The following PLD1 variants were observed in gnomAD, a reference collection of about 807,000 sequenced individuals.
PLD1 encodes phospholipase D1.
PLD1 carries 112 observed loss-of-function variants against 137.1 expected under a neutral mutation model. The ratio of observed to expected loss-of-function variants is 0.82; its 90% CI spans 0.70 to 0.96. PLD1 has a LOEUF of 0.96. Among genes scored for constraint, PLD1 ranks in the 40% least tolerant of loss-of-function variants. The pLI is 0.00. For synonymous variants in PLD1, 431 were observed against 454.7 expected, an observed-to-expected ratio of 0.95 and a Z score of 0.66; for missense variants, 1,321 against 1,342.0, an observed-to-expected ratio of 0.98 and a Z score of 0.24.
chr3:171,690,946 A>T lies in PLD1; in HGVS notation c.1338+1386T>A, dbSNP rs1489525205. Among the ~76,000 whole-genome samples, 5 of 152,210 alleles carry T rather than the reference A, an allele frequency of 3.3e-5. No homozygotes were observed. In the East Asian group the frequency reaches 9.6e-4, roughly 29 times the overall value. On this transcript the variant is annotated intron_variant, in intron 13 of 26. Coordinates refer to ENST00000351298, the MANE Select transcript of PLD1 (RefSeq NM_002662.5). ...GATGTTGAAGTCTCCAACTATTATC[A>T]TAGACTGTCTTTTTCTCCTTTCAAT... is the stretch of plus-strand genomic sequence containing the variant.
rs1357139393 is a variant in PLD1, at chr3:171,612,440, G to A, written c.2729-8C>T. 9 of 1,613,386 alleles carry A rather than the reference G, an allele frequency of 5.6e-6. No individual in the cohort carries two copies. Among genetic ancestry groups the A allele is most frequent in the Non-Finnish European group, 7.6e-6 (9 of 1,179,544 alleles). ...CATTTATGTTGGCAGAGCCTGTAAG[G>A]AGAAACAGTGAGGCTGAACAACCTT... On this transcript the variant is annotated splice_region_variant and splice_polypyrimidine_tract_variant and intron_variant, in intron 24 of 26. Transcript: ENST00000351298. This position sits in a 1 kb window ranked among gnomAD's most constrained non-coding sequence, Gnocchi z 4.1.
intron 23 of PLD1, among the ~76,000 whole-genome samples, chr3:171,627,280 T>C (rs929832790): frequency 1.3e-5 from 2 of 151,898 alleles, no homozygotes; most frequent in African/African-American, 4.8e-5. Context: ...TACATAATGG[T>C]AAAGGGATCA....
chr3:171,723,869 T>C lies in PLD1; in HGVS notation c.758+827A>G, dbSNP rs141142256. On this transcript the variant is annotated intron_variant, in intron 8 of 26. Transcript: ENST00000351298. Reference sequence around the variant, plus strand: ...TTCTGGTTGTTAATCCCTTATCAGATAGGTAGTTTGTAGGTATTTTCTCCC... The same window carrying C: ...TTCTGGTTGTTAATCCCTTATCAGACAGGTAGTTTGTAGGTATTTTCTCCC... 3.8e-3 allele frequency among the ~76,000 whole-genome samples: 577 copies of C among 152,316 alleles called. 2 individuals are homozygous for C. Among genetic ancestry groups the C allele is most frequent in the African/African-American group, 0.013 (547 of 41,582 alleles).
At chr3:171,638,769 A>C (rs1184357393) in intron 23 of PLD1, among the ~76,000 whole-genome samples, 1 of 152,146 alleles carries the variant, frequency 6.6e-6, no homozygotes. Flanking sequence ...TGCCCAGTTT[A>C]ATATTGTTTC....
At chr3:171,637,286 A>G (rs1023134779) in intron 23 of PLD1, among the ~76,000 whole-genome samples, 1 of 152,130 alleles carries the variant, frequency 6.6e-6, no homozygotes, top group Non-Finnish European at 1.5e-5. Context: ...ACCAGGCTGG[A>G]GTGCAGTGGT....
At chr3:171,770,187 A>AG (rs1722244962) in intron 1 of PLD1, among the ~76,000 whole-genome samples, 1 of 152,124 alleles carries the variant, frequency 6.6e-6, no homozygotes, top group Non-Finnish European at 1.5e-5. Context: ...GTCACACTCC[A>AG]TTTTTACAGC....
chr3:171,725,880 T>C, intron 7 of PLD1, 138 bp downstream of exon 7: 1 of 646,284 alleles, frequency 1.5e-6, no homozygotes, highest in Non-Finnish European at 2.8e-6. Flanking sequence ...AATAATTCCA[T>C]CAGTTGCTCT....
intron 18 of PLD1, among the ~76,000 whole-genome samples, chr3:171,674,834 C>T (rs1013024992): frequency 4.0e-5 from 6 of 151,750 alleles, no homozygotes; most frequent in Admixed American, 3.9e-4. Flanking sequence ...CAAAAATTAG[C>T]CAAGCATGGT....
At chr3:171,685,504 T>C (rs1714456396) in intron 16 of PLD1, among the ~76,000 whole-genome samples, 1 of 152,186 alleles carries the variant, frequency 6.6e-6, no homozygotes, top group Non-Finnish European at 1.5e-5. Context: ...AGGTCATGTA[T>C]CATCTCTAAC....
chr3:171,674,372 T>A, intron 19 of PLD1, 128 bp downstream of exon 19: 2 of 491,672 alleles, frequency 4.1e-6, no homozygotes, highest in South Asian at 3.7e-5. Flanking sequence ...TATTAAAAGA[T>A]CCATTTAGTT....
intron 16 of PLD1, among the ~76,000 whole-genome samples, chr3:171,682,888 G>T (rs7433336): frequency 1.3e-5 from 2 of 151,790 alleles, no homozygotes; most frequent in Middle Eastern, 3.2e-3. Context: ...TTTCTTTTTA[G>T]GTAAACTGTT....
chr3:171,694,120 A>T (rs1197474287), intron 12 of PLD1, among the ~76,000 whole-genome samples: 1 of 152,104 alleles, frequency 6.6e-6, no homozygotes, highest in Non-Finnish European at 1.5e-5. Context: ...TCTATTTTTC[A>T]TGGTGTTAGT....
intron 23 of PLD1, among the ~76,000 whole-genome samples, chr3:171,628,908 C>T (rs1578139773): frequency 6.6e-6 from 1 of 150,724 alleles, no homozygotes; most frequent in East Asian, 1.9e-4. Flanking sequence ...CAATATCATA[C>T]TGAATGGGCA....
chr3:171,647,661 C>G (rs1245702780), intron 21 of PLD1, among the ~76,000 whole-genome samples: 2 of 152,086 alleles, frequency 1.3e-5, no homozygotes, highest in East Asian at 3.9e-4. Context: ...GTTGGTCAGG[C>G]TGGTCTCGAA....
intron 6 of PLD1, among the ~76,000 whole-genome samples, chr3:171,728,078 G>A (rs1469028720): frequency 1.3e-5 from 2 of 152,212 alleles, no homozygotes; most frequent in African/African-American, 4.8e-5. Flanking sequence ...GGAAGGCTGA[G>A]GTGGGTGGAT....
At chr3:171,708,391 T>C (rs1286213971) in intron 11 of PLD1, among the ~76,000 whole-genome samples, 4 of 152,118 alleles carry the variant, frequency 2.6e-5, no homozygotes, top group African/African-American at 9.7e-5. Flanking sequence ...TTAGAAGAAG[T>C]ATATTCACTG....
intron 1 of PLD1, among the ~76,000 whole-genome samples, chr3:171,760,728 C>G (rs963569115): frequency 6.6e-6 from 1 of 152,200 alleles, no homozygotes; most frequent in South Asian, 2.1e-4. Context: ...CAGCCTGAGT[C>G]AGCCTAGGAT....
chr3:171,691,723 T>C (rs1038858575), intron 13 of PLD1, among the ~76,000 whole-genome samples: 2 of 152,196 alleles, frequency 1.3e-5, no homozygotes. Flanking sequence ...GAAAACACTT[T>C]CATTTTTTCT....
intron 22 of PLD1, chr3:171,643,152 A>C (rs1735912537): frequency 8.6e-6 from 3 of 347,058 alleles, no homozygotes; most frequent in Non-Finnish European, 1.0e-5. Context: ...GAGGCTATTA[A>C]AAAAAGAAGG....
Sources: gnomAD v4.1 joint callset for allele counts (sites outside exome capture counted in the v4.1 genomes callset) on GRCh38, gnomAD v4.1.1 for gene constraint, Gnocchi (gnomAD v3.1) non-coding constraint, MANE v1.5 for transcripts, NCBI Gene and HGNC (gene_info 2026-07-23, HGNC 2026-07-21) for gene names.